SH3TC2: variants seen among roughly 807,000 people sequenced by gnomAD.
The protein encoded by SH3TC2 is SH3 domain and tetratricopeptide repeat-containing protein 2.
In SH3TC2, 87 loss-of-function variants were observed where a neutral mutation model predicts 124.5. The observed-to-expected ratio is 0.70, with a 90% CI of 0.59 to 0.84. The LOEUF (loss-of-function observed/expected upper bound fraction) is 0.84, where lower values mean the gene tolerates loss of function less well. Among genes scored for constraint, SH3TC2 ranks in the 40% least tolerant of loss-of-function variants. The pLI is 0.00. For synonymous variants in SH3TC2, 634 were observed against 628.5 expected (o/e 1.01, Z -0.13); for missense variants, 1,536 against 1,566.4 (o/e 0.98, Z 0.33).
rs1753415985 is a variant in SH3TC2, at chr5:148,991,288, C to A, written c.*13423G>T. 2.0e-5 allele frequency among the ~76,000 whole-genome samples: 3 copies of A among 152,218 alleles called. No homozygotes were observed. The South Asian group carries it at 6.2e-4, about 32-fold the overall frequency. On this transcript the variant is annotated 3_prime_UTR_variant, in exon 17 of 17. Coordinates refer to ENST00000515425, the MANE Select transcript of SH3TC2 (RefSeq NM_024577.4). ...ATGTACTTCCTGCAGCTGAAACCAG[C>A]AGGGCAAAGAAGGTGCTTTCACTAG...
chr5:149,042,546 G>T, intron 5 of SH3TC2, 148 bp downstream of exon 5: 1 of 943,210 alleles, frequency 1.1e-6, no homozygotes, highest in Non-Finnish European at 1.7e-6. Flanking sequence ...TCAGAGGAAT[G>T]TTCAAAGTAC....
chr5:149,041,460 C>G lies in SH3TC2; in HGVS notation c.687G>C (p.Leu229=), dbSNP rs1025939209. The G allele has an allele frequency of 4.3e-6, 7 of 1,613,716 alleles. No individual in the cohort carries two copies. The highest frequency in any genetic ancestry group is 5.9e-6 in the Non-Finnish European group (7 of 1,180,020). The change falls in exon 6 of 17, where the codon CTG becomes CTC. Residue 229 remains leucine, a synonymous_variant. Transcript: ENST00000515425. ...GAGGCTCCAAGGCTGACACCAGTAC[C>G]AGGCCCCGCTGACCTGTCACCAAAG... is the stretch of plus-strand genomic sequence containing the variant. ...GVSLVTGQRG[L]VLVSALEPLP... is the part of the protein sequence containing the mutation.
At chr5:149,026,466 C>T (rs1754064264) in intron 12 of SH3TC2, 106 bp downstream of exon 12, 24 of 1,397,416 alleles carry the variant, frequency 1.7e-5, no homozygotes, top group Non-Finnish European at 2.3e-5. Flanking sequence ...TTGCACAAAG[C>T]CCCGCCTATA....
chr5:149,016,924 C>CAAAAAA (rs753867645), intron 12 of SH3TC2, among the ~76,000 whole-genome samples: 2 of 92,964 alleles, frequency 2.2e-5, no homozygotes, highest in Non-Finnish European at 4.4e-5. Context: ...GACTCCGTCT[C>CAAAAAA]AAAAAAAAAA....
intron 15 of SH3TC2, chr5:149,008,093 G>C (rs927339737): frequency 6.5e-6 from 1 of 152,778 alleles, no homozygotes; most frequent in African/African-American, 2.4e-5. Context: ...AATGCAATTA[G>C]ACAAAATAAA....
Position 149,042,769 on chromosome 5 carries a change from C to A in SH3TC2, c.454G>T (p.Glu152Ter), listed in dbSNP as rs757409877. Reference protein sequence around the residue: ...HKYWLNCILVEDTEIQVSVDD... With the variant: ...HKYWLNCILV ...ACAGACACTTGGATCTCTGTATCCT[C>A]CACCAATATGCAGTTGAGCCAGTAC... The change falls in exon 5 of 17, where the codon GAG (glutamate) becomes TAG (stop). Residue 152 changes from glutamate to a stop codon, truncating the protein, a stop_gained. Coordinates refer to ENST00000515425, the MANE Select transcript of SH3TC2 (RefSeq NM_024577.4). LOFTEE classifies it high-confidence loss of function. 1 of 1,614,140 alleles carries A rather than the reference C, an allele frequency of 6.2e-7. No homozygotes were observed. The highest frequency in any genetic ancestry group is 8.5e-7 in the Non-Finnish European group (1 of 1,180,004).
Position 149,028,147 on chromosome 5 carries a change from G to A in SH3TC2, c.1585C>T (p.Arg529Cys), listed in dbSNP as rs750529207. The A allele has an allele frequency of 1.5e-5, 24 of 1,613,992 alleles. No individual in the cohort carries two copies. The highest frequency in any genetic ancestry group is 4.5e-5 in the East Asian group (2 of 44,892). ...AGCCGGCCCAGGAGGAAGCAGAGAC[G>A]GGCATGGGCCCAGGTCATGTGGCTC... ...KKSHMTWAHARLCFLLGRLSI... is the reference protein window; with the variant it reads ...KKSHMTWAHACLCFLLGRLSI... The change falls in exon 11 of 17, where the codon CGT (arginine) becomes TGT (cysteine). Residue 529 changes from arginine (R) to cysteine (C), a missense_variant. By Grantham distance (180) the Arg-to-Cys change is radical (BLOSUM62 -3). Transcript: ENST00000515425.
Position 149,028,528 on chromosome 5 carries a change from C to T in SH3TC2, c.1204G>A (p.Val402Ile), listed in dbSNP as rs549821020. 1.2e-6 allele frequency: 2 copies of T among 1,613,990 alleles called. No homozygotes were observed. The highest frequency in any genetic ancestry group is 1.6e-4 in the Middle Eastern group (1 of 6,062). Residue 402 changes from valine (V) to isoleucine (I), a missense_variant, in exon 11 of 17, where the codon GTC becomes ATC. By Grantham distance (29) the Val-to-Ile change is conservative (BLOSUM62 3). Transcript: ENST00000515425. Reference protein sequence around the residue: ...SASQPEGFKEVRPGRAWEEHQ... With the variant: ...SASQPEGFKEIRPGRAWEEHQ... ...TCCTCCCAGGCTCTGCCAGGCCTGA[C>T]CTCCTTGAAACCTTCAGGCTGGGAT...
intron 9 of SH3TC2, among the ~76,000 whole-genome samples, chr5:149,029,316 G>C (rs1198227268): frequency 6.6e-6 from 1 of 152,234 alleles, no homozygotes; most frequent in Non-Finnish European, 1.5e-5. Flanking sequence ...CGAATAAAAA[G>C]GAGCAAGGAT....
chr5:149,053,247 G>A (rs1754588013), intron 1 of SH3TC2, among the ~76,000 whole-genome samples: 1 of 152,198 alleles, frequency 6.6e-6, no homozygotes, highest in Admixed American at 6.5e-5. Flanking sequence ...CAGGGGTGGA[G>A]CAGTCACACT....
chr5:149,040,550 G>C (rs1398436567), intron 7 of SH3TC2, 54 bp downstream of exon 7: 12 of 1,501,360 alleles, frequency 8.0e-6, no homozygotes, highest in Middle Eastern at 1.7e-4. Flanking sequence ...ATAAAATTGA[G>C]AGGCAGGACA....
At chr5:149,040,479 T>C in intron 7 of SH3TC2, 125 bp downstream of exon 7, 1 of 878,808 alleles carries the variant, frequency 1.1e-6, no homozygotes. Flanking sequence ...CTGGCTTCCC[T>C]AAATCCAGTT....
At chr5:149,034,418 TA>T in intron 8 of SH3TC2, 1 of 326,546 alleles carries the variant, frequency 3.1e-6, no homozygotes, top group Non-Finnish European at 6.1e-6. Flanking sequence ...GAAGAGAGAC[TA>T]AAAAGAACGA....
intron 10 of SH3TC2, 47 bp downstream of exon 10, chr5:149,028,630 T>A (rs1754126947): frequency 6.2e-7 from 1 of 1,614,050 alleles, no homozygotes; most frequent in African/African-American, 1.3e-5. Context: ...AGGACAGAAG[T>A]GCTGTCCTCA....
intron 12 of SH3TC2, among the ~76,000 whole-genome samples, chr5:149,017,240 G>T (rs2127394456): frequency 6.6e-6 from 1 of 152,232 alleles, no homozygotes; most frequent in African/African-American, 2.4e-5. Context: ...TTGTTGAATT[G>T]ATTTAATAGA....
intron 12 of SH3TC2, among the ~76,000 whole-genome samples, chr5:149,018,166 T>A (rs1738802825): frequency 6.6e-6 from 1 of 152,114 alleles, no homozygotes; most frequent in South Asian, 2.1e-4. Context: ...CGTCAGAGGG[T>A]GGTCCTGAGA....
intron 8 of SH3TC2, chr5:149,035,637 TCTC>T (rs1754271145): frequency 6.6e-6 from 1 of 152,292 alleles, no homozygotes; most frequent in Non-Finnish European, 1.5e-5. Context: ...GTTCCCCTCT[TCTC>T]CTTGTGCCAC....
At chr5:149,019,744 AGCTTCATT>A (rs1753936565) in intron 12 of SH3TC2, among the ~76,000 whole-genome samples, 1 of 152,170 alleles carries the variant, frequency 6.6e-6, no homozygotes, top group African/African-American at 2.4e-5. Context: ...TACGAAAGTG[AGCTTCATT>A]GCTTTTCAAC....
intron 12 of SH3TC2, among the ~76,000 whole-genome samples, chr5:149,021,612 A>C (rs553003404): frequency 6.6e-6 from 1 of 152,120 alleles, no homozygotes; most frequent in Non-Finnish European, 1.5e-5. Context: ...AAAAAGGATT[A>C]TAAAAGAATA....
Sources: gnomAD v4.1 joint callset for allele counts (sites outside exome capture counted in the v4.1 genomes callset) on GRCh38, gnomAD v4.1.1 for gene constraint, MANE v1.5 for transcripts, NCBI Gene and HGNC (gene_info 2026-07-23, HGNC 2026-07-21) for gene names.